HDAC9: variants seen among roughly 807,000 people sequenced by gnomAD.
HDAC9 encodes the protein MEF-2 interacting transcription repressor (MITR) protein.
HDAC9 carries 41 observed loss-of-function variants against 139.4 expected under a neutral mutation model. The ratio of observed to expected loss-of-function variants is 0.29; its 90% CI spans 0.23 to 0.38. The LOEUF is 0.38. HDAC9 is among the 10% of genes least tolerant of loss of function. HDAC9 has a pLI of 1.00. For synonymous variants in HDAC9, 517 were observed against 476.2 expected (o/e 1.09, Z -1.12); for missense variants, 1,147 against 1,297.0 (o/e 0.88, Z 1.78).
intron 1 of HDAC9, among the ~76,000 whole-genome samples, chr7:18,332,126 A>G (rs1174485013): frequency 6.6e-6 from 1 of 151,702 alleles, no homozygotes; most frequent in Non-Finnish European, 1.5e-5. Flanking sequence ...AGTTCTTTCT[A>G]ACAGAGTGAG....
At chr7:18,568,026 G>GTGTATGTATATATATATATA (rs1384273199) in intron 2 of HDAC9, among the ~76,000 whole-genome samples, 2 of 126,814 alleles carry the variant, frequency 1.6e-5, no homozygotes, top group Admixed American at 8.1e-5. Context: ...ATATGTATAT[G>GTGTATGTATATATATATATA]TATATATATA....
chr7:18,418,514 A>T (rs927388399), intron 1 of HDAC9, among the ~76,000 whole-genome samples: 5 of 151,984 alleles, frequency 3.3e-5, no homozygotes, highest in African/African-American at 1.2e-4. Flanking sequence ...GTAATTTAAT[A>T]GATTGTGGAA....
At position 18,232,837 on chromosome 7, in the gene HDAC9, T is replaced by C. The variant is rs181371208; in HGVS notation, c.25+70488T>C. 3.2e-3 allele frequency among the ~76,000 whole-genome samples: 492 copies of C among 152,308 alleles called. 2 individuals carry two copies. The highest frequency in any genetic ancestry group is 6.8e-3 in the Middle Eastern group (2 of 294). On this transcript the variant is annotated intron_variant, in intron 2 of 12. Coordinates refer to the HDAC9 transcript ENST00000417496. ...TGCATAACAGAAAATTTAATGCCCTTTGCCCAATTCCTGAATAAATCCACT... is the reference window on the plus strand; with the variant it reads ...TGCATAACAGAAAATTTAATGCCCTCTGCCCAATTCCTGAATAAATCCACT...
At chr7:18,978,252 G>A (rs979840428) in intron 25 of HDAC9, among the ~76,000 whole-genome samples, 1 of 152,116 alleles carries the variant, frequency 6.6e-6, no homozygotes, top group South Asian at 2.1e-4. Flanking sequence ...GGAGTGAGAT[G>A]ACTCATTTCA....
chr7:18,700,580 G>A (rs1368054181), intron 12 of HDAC9, among the ~76,000 whole-genome samples: 1 of 152,196 alleles, frequency 6.6e-6, no homozygotes, highest in Admixed American at 6.5e-5. Context: ...CTTTTGCTCT[G>A]TAACAAATCA....
At chr7:18,357,596 C>T (rs145416761) in intron 1 of HDAC9, among the ~76,000 whole-genome samples, 1 of 151,320 alleles carries the variant, frequency 6.6e-6, no homozygotes, top group Non-Finnish European at 1.5e-5. Context: ...GAAATCAATT[C>T]TAAGAAAAAA....
chr7:18,969,556 A>G (rs2129333796), intron 24 of HDAC9, among the ~76,000 whole-genome samples: 1 of 152,374 alleles, frequency 6.6e-6, no homozygotes, highest in African/African-American at 2.4e-5. Context: ...ATCACAAGGC[A>G]AATCAATAAA....
intron 13 of HDAC9, among the ~76,000 whole-genome samples, chr7:18,744,986 C>T (rs781428912): frequency 6.6e-6 from 1 of 152,142 alleles, no homozygotes; most frequent in African/African-American, 2.4e-5. Context: ...AATTTTAACT[C>T]TTGTCCCACT....
intron 6 of HDAC9, among the ~76,000 whole-genome samples, chr7:18,619,772 T>A: frequency 6.6e-6 from 1 of 152,190 alleles, no homozygotes; most frequent in Non-Finnish European, 1.5e-5. Context: ...TTATTTAGTA[T>A]TCCTTCCCTC....
At chr7:18,425,616 G>A (rs6962122) in intron 1 of HDAC9, among the ~76,000 whole-genome samples, 2,723 of 152,288 alleles carry the variant, frequency 0.018, 91 homozygotes, top group African/African-American at 0.062. Flanking sequence ...TCCTTCGCCA[G>A]TTAATACTAA....
rs139882253 is a variant in HDAC9 at position 18,769,000 on chromosome 7, G to A, written c.2214+1845G>A. On this transcript the variant is annotated intron_variant, in intron 16 of 25. Coordinates refer to ENST00000686413, the MANE Select transcript of HDAC9 (RefSeq NM_178425.4). ...TAAATGTTTGGCATGAATAAGGTAG[G>A]CTAGGCTAAGCCATGATGTTTGGTA... 2.8e-3 allele frequency among the ~76,000 whole-genome samples: 419 copies of A among 152,244 alleles called. 2 individuals are homozygous for A. The highest frequency in any genetic ancestry group is 9.4e-3 in the African/African-American group (391 of 41,546).
At chr7:18,966,100 A>G (rs1239840736) in intron 24 of HDAC9, among the ~76,000 whole-genome samples, 3 of 152,228 alleles carry the variant, frequency 2.0e-5, no homozygotes, top group South Asian at 2.1e-4. Context: ...TTTAGCTTCT[A>G]TCATTGTTTC....
At chr7:18,788,017 G>C (rs1370459287) in intron 16 of HDAC9, among the ~76,000 whole-genome samples, 1 of 152,144 alleles carries the variant, frequency 6.6e-6, no homozygotes, top group African/African-American at 2.4e-5. Context: ...GGGAGGGATG[G>C]AGAGCTGAAG....
intron 22 of HDAC9, among the ~76,000 whole-genome samples, chr7:18,928,915 T>A (rs186057416): frequency 1.8e-3 from 280 of 152,156 alleles, no homozygotes; most frequent in Non-Finnish European, 3.2e-3. Context: ...ATTTATTATT[T>A]TCTATCATCT....
At chr7:18,642,616 T>C (rs1398947176) in intron 8 of HDAC9, among the ~76,000 whole-genome samples, 1 of 152,012 alleles carries the variant, frequency 6.6e-6, no homozygotes, top group African/African-American at 2.4e-5. Flanking sequence ...GTGCTGAATA[T>C]CAGTACACTG....
chr7:18,529,802 T>A (rs1808242818), intron 2 of HDAC9, among the ~76,000 whole-genome samples: 1 of 152,174 alleles, frequency 6.6e-6, no homozygotes, highest in African/African-American at 2.4e-5. Context: ...TTTTAAATCT[T>A]TATTGGTTTT....
At chr7:18,941,350 G>C (rs1459719496) in intron 23 of HDAC9, among the ~76,000 whole-genome samples, 2 of 152,058 alleles carry the variant, frequency 1.3e-5, no homozygotes, top group African/African-American at 4.8e-5. Flanking sequence ...CTTAGTGATT[G>C]TGTTGGTTGA....
chr7:18,634,896 A>T (rs1258868832), intron 8 of HDAC9, among the ~76,000 whole-genome samples, 154 bp downstream of exon 8: 2 of 152,134 alleles, frequency 1.3e-5, no homozygotes, highest in Non-Finnish European at 2.9e-5. Flanking sequence ...ATTGAAAAAA[A>T]TTGATATTTA....
chr7:18,401,877 C>G (rs1041778895), intron 1 of HDAC9, among the ~76,000 whole-genome samples: 1 of 152,158 alleles, frequency 6.6e-6, no homozygotes, highest in African/African-American at 2.4e-5. Context: ...TATACTCATT[C>G]TGAGAAACAC....
Sources: allele counts gnomAD v4.1 joint callset (sites outside exome capture counted in the v4.1 genomes callset), GRCh38; gene constraint gnomAD v4.1.1; transcripts MANE v1.5; gene names NCBI Gene and HGNC (gene_info 2026-07-23, HGNC 2026-07-21).